The following PSD3 variants were observed in gnomAD, a reference collection of about 807,000 sequenced individuals.
PSD3 encodes the protein PH and SEC7 domain-containing protein 3.
Under a neutral mutation model 105.5 loss-of-function variants are expected in PSD3, and 49 were observed. The observed-to-expected ratio is 0.46, with a 90% confidence interval of 0.37 to 0.59. The LOEUF is 0.59. Among genes scored for constraint, PSD3 ranks in the 20% least tolerant of loss-of-function variants. PSD3 has a pLI of 0.00. For missense variants in PSD3, 1,561 were observed against 1,263.8 expected (o/e 1.24, Z -3.57); for synonymous variants, 557 against 457.8 (o/e 1.22, Z -2.77).
chr8:19,067,123 T>TA (rs958149486), intron 1 of PSD3, among the ~76,000 whole-genome samples: 7 of 152,282 alleles, frequency 4.6e-5, no homozygotes, highest in Non-Finnish European at 8.8e-5. Context: ...GACTGTCATT[T>TA]AAAAAAATTG....
intron 2 of PSD3, among the ~76,000 whole-genome samples, chr8:18,881,387 T>C (rs534534524): frequency 6.2e-4 from 95 of 152,306 alleles, no homozygotes; most frequent in Admixed American, 1.6e-3. Flanking sequence ...TAAGATCGGC[T>C]GCAGAAAAAC....
chr8:19,081,222 C>T (rs1829635950), intron 1 of PSD3, among the ~76,000 whole-genome samples: 1 of 148,242 alleles, frequency 6.7e-6, no homozygotes, highest in Admixed American at 6.6e-5. Flanking sequence ...GTCCCCAACA[C>T]CTAGGCCTTC....
intron 1 of PSD3, among the ~76,000 whole-genome samples, chr8:19,073,382 C>T (rs1238331511): frequency 6.6e-6 from 1 of 151,832 alleles, no homozygotes; most frequent in Non-Finnish European, 1.5e-5. Context: ...GAAAGCCCAT[C>T]TCTACCAATA....
At chr8:18,627,491 A>C (rs1806572731) in intron 11 of PSD3, among the ~76,000 whole-genome samples, 1 of 151,874 alleles carries the variant, frequency 6.6e-6, no homozygotes, top group South Asian at 2.1e-4. Context: ...CAGGGCTAAG[A>C]AGAATTTATG....
chr8:19,040,293 C>T (rs1305705871), intron 1 of PSD3, among the ~76,000 whole-genome samples: 1 of 152,170 alleles, frequency 6.6e-6, no homozygotes, highest in African/African-American at 2.4e-5. Flanking sequence ...GCCTTAACCT[C>T]TTGGGCTCAA....
At chr8:18,918,773 C>T (rs1452698146) in intron 2 of PSD3, among the ~76,000 whole-genome samples, 2 of 152,020 alleles carry the variant, frequency 1.3e-5, no homozygotes, top group Non-Finnish European at 2.9e-5. Context: ...AAACTTCCAC[C>T]ACCCTCAAAG....
At chr8:18,876,016 T>G (rs2129458141) in intron 2 of PSD3, among the ~76,000 whole-genome samples, 1 of 152,352 alleles carries the variant, frequency 6.6e-6, no homozygotes, top group African/African-American at 2.4e-5. Flanking sequence ...GGGGTCTGAC[T>G]TCTTTCACCT....
In PSD3 at chr8:19,003,262, T is replaced by C. The variant is rs1459284896; in HGVS notation, c.21+10301A>G. Among the ~76,000 whole-genome samples the C allele has an allele frequency of 2.0e-5, 3 of 151,812 alleles. 1 individual carries two copies. Among genetic ancestry groups the C allele is most frequent in the African/African-American group, 7.3e-5 (3 of 41,366 alleles). ...ATGGCACCCCTGTAGTTCCAGCTAT[T>C]TGGGAGGCTGAGGGAGGAGGATTGT... On this transcript the variant is annotated intron_variant, in intron 1 of 15. Coordinates refer to ENST00000327040, the MANE Select transcript of PSD3 (RefSeq NM_015310.4).
At chr8:18,542,749 T>A (rs1800222418) in intron 15 of PSD3, among the ~76,000 whole-genome samples, 1 of 152,112 alleles carries the variant, frequency 6.6e-6, no homozygotes. Flanking sequence ...ATTCATTCTC[T>A]GAAATTGTTG....
At chr8:18,609,383 T>C (rs1402815755) in intron 11 of PSD3, among the ~76,000 whole-genome samples, 1 of 152,194 alleles carries the variant, frequency 6.6e-6, no homozygotes, top group African/African-American at 2.4e-5. Context: ...ATTCACAATA[T>C]AAAGCAATCC....
chr8:18,790,074 G>C (rs1489191572), intron 8 of PSD3, among the ~76,000 whole-genome samples: 2 of 152,022 alleles, frequency 1.3e-5, no homozygotes, highest in Admixed American at 6.6e-5. Context: ...GCTAGAGGGT[G>C]GGGAAAGGGG....
chr8:18,653,346 C>G (rs1808656344), intron 10 of PSD3, among the ~76,000 whole-genome samples: 1 of 141,342 alleles, frequency 7.1e-6, no homozygotes, highest in African/African-American at 2.7e-5. Context: ...TGCATATGAA[C>G]AAGAGAGAAA....
intron 11 of PSD3, among the ~76,000 whole-genome samples, chr8:18,630,932 C>T (rs1262132699): frequency 6.6e-6 from 1 of 151,680 alleles, no homozygotes; most frequent in Non-Finnish European, 1.5e-5. Context: ...TATGCAGATA[C>T]TATGCCATTT....
At chr8:18,601,981 C>A (rs976879440) in intron 11 of PSD3, among the ~76,000 whole-genome samples, 1 of 152,170 alleles carries the variant, frequency 6.6e-6, no homozygotes, top group South Asian at 2.1e-4. Flanking sequence ...TCCTCCCACC[C>A]ACCAGCCCCT....
chr8:18,826,143 C>A (rs999157551), intron 4 of PSD3, among the ~76,000 whole-genome samples: 1 of 152,166 alleles, frequency 6.6e-6, no homozygotes, highest in Non-Finnish European at 1.5e-5. Flanking sequence ...CTTTTCTGCC[C>A]TCAGAGCTCC....
chr8:18,863,513 G>C (rs1816607382), intron 4 of PSD3, among the ~76,000 whole-genome samples: 1 of 152,148 alleles, frequency 6.6e-6, no homozygotes, highest in Non-Finnish European at 1.5e-5. Context: ...GTTTCCGGCT[G>C]ACATGTGGCT....
At chr8:18,874,001 T>C (rs1172264757) in intron 2 of PSD3, among the ~76,000 whole-genome samples, 3 of 152,216 alleles carry the variant, frequency 2.0e-5, no homozygotes, top group Non-Finnish European at 2.9e-5. Flanking sequence ...GGTTTACAGA[T>C]AGCAGCTGTA....
At chr8:18,572,735 C>T in intron 13 of PSD3, 63 bp from the exon 14 acceptor site, 1 of 1,550,546 alleles carries the variant, frequency 6.4e-7, no homozygotes, top group South Asian at 1.2e-5. Flanking sequence ...CACACTTTGC[C>T]TATTTCACGT....
chr8:18,729,654 C>T (rs1031493020), intron 9 of PSD3, among the ~76,000 whole-genome samples: 1 of 152,112 alleles, frequency 6.6e-6, no homozygotes, highest in African/African-American at 2.4e-5. Flanking sequence ...AAAAGATACC[C>T]AACATCTGTC....
Sources: allele counts gnomAD v4.1 joint callset (sites outside exome capture counted in the v4.1 genomes callset), GRCh38; gene constraint gnomAD v4.1.1; transcripts MANE v1.5; gene names NCBI Gene and HGNC (gene_info 2026-07-23, HGNC 2026-07-21).